KAZN: variants seen among roughly 807,000 people sequenced by gnomAD.
KAZN encodes kazrin.
KAZN carries 40 observed loss-of-function variants against 87.4 expected under a neutral mutation model. That is an observed-to-expected ratio of 0.46 (90% confidence interval 0.36 to 0.60). The LOEUF is 0.60. Among genes scored for constraint, KAZN ranks in the 20% least tolerant of loss-of-function variants. The pLI is 0.00. For missense variants in KAZN, 898 were observed against 1,073.9 expected, an observed-to-expected ratio of 0.84 and a Z score of 2.29; for synonymous variants, 466 against 458.3, an observed-to-expected ratio of 1.02 and a Z score of -0.22.
At chr1:14,638,434 T>G (rs1193094608) in intron 1 of KAZN, among the ~76,000 whole-genome samples, 1 of 152,016 alleles carries the variant, frequency 6.6e-6, no homozygotes, top group East Asian at 1.9e-4. Flanking sequence ...CTGGGTGTGA[T>G]GGCTCATGCC....
chr1:14,279,608 A>G (rs1312655436), intron 2 of KAZN, among the ~76,000 whole-genome samples: 1 of 152,244 alleles, frequency 6.6e-6, no homozygotes, highest in Non-Finnish European at 1.5e-5. Flanking sequence ...AGCCCTGAGT[A>G]TGAACAAATC....
In KAZN at chr1:13,954,979, T is replaced by G. The variant is rs560791286; in HGVS notation, c.91+61223T>G. The stretch of plus-strand genomic sequence containing the variant: ...TCCAATTCGTCTTAGGCTTTTTTTG[T>G]TGCAAATTTGACTCCTCGAAAGTAA... On this transcript the variant is annotated intron_variant, in intron 1 of 16. Coordinates refer to the KAZN transcript ENST00000636203. Among the ~76,000 whole-genome samples, 371 of 152,364 alleles carry G rather than the reference T, an allele frequency of 2.4e-3. 3 individuals are homozygous for G. Among genetic ancestry groups the G allele is most frequent in the African/African-American group, 8.5e-3 (353 of 41,586 alleles).
chr1:14,693,058 C>G (rs1347925009), intron 1 of KAZN, among the ~76,000 whole-genome samples: 1 of 152,156 alleles, frequency 6.6e-6, no homozygotes, highest in African/African-American at 2.4e-5. Context: ...CTGCTTCGAC[C>G]CTAAGCAACT....
chr1:13,984,245 CG>C (rs1557763558), intron 1 of KAZN, among the ~76,000 whole-genome samples: 4 of 152,144 alleles, frequency 2.6e-5, no homozygotes. Flanking sequence ...CTTCTGACCT[CG>C]TGATCTGCCC....
intron 2 of KAZN, among the ~76,000 whole-genome samples, chr1:14,436,734 A>C (rs10927436): frequency 1.5e-4 from 21 of 137,394 alleles, no homozygotes; most frequent in East Asian, 4.3e-4. Flanking sequence ...AAAAAAAAAA[A>C]AAAACCTTAA....
intron 1 of KAZN, among the ~76,000 whole-genome samples, chr1:13,914,480 G>T (rs1004485335): frequency 6.6e-6 from 1 of 152,240 alleles, no homozygotes; most frequent in Non-Finnish European, 1.5e-5. Context: ...GGTGGGTGGG[G>T]TCTGTGCCTG....
intron 1 of KAZN, among the ~76,000 whole-genome samples, chr1:14,176,767 A>AT (rs1646086449): frequency 6.6e-6 from 1 of 152,254 alleles, no homozygotes; most frequent in Non-Finnish European, 1.5e-5. Flanking sequence ...CTATTTATTT[A>AT]TTATTTGTTT....
In KAZN at chr1:14,735,333, T is replaced by C. The variant is rs1439683021; in HGVS notation, c.226+136110T>C. 6.6e-6 allele frequency among the ~76,000 whole-genome samples: 1 copy of C among 152,322 alleles called. No homozygotes were observed. The highest frequency in any genetic ancestry group is 1.9e-4 in the East Asian group (1 of 5,178). On this transcript the variant is annotated intron_variant, in intron 1 of 14. Transcript: ENST00000376030. The surrounding 1 kb of genome is among the most constrained non-coding windows in gnomAD (Gnocchi z 4.3). ...CCTCGGCCTCCCAAAGTGCTGGGAT[T>C]ACAGGCGTGAGCCACCGCGCCCGGC... is the stretch of plus-strand genomic sequence containing the variant.
chr1:14,290,430 C>A (rs1236745546), intron 2 of KAZN, among the ~76,000 whole-genome samples: 2 of 152,140 alleles, frequency 1.3e-5, no homozygotes, highest in Non-Finnish European at 2.9e-5. Context: ...TTAATTTCAT[C>A]TTCCATCACT....
chr1:14,003,043 T>C lies in KAZN; in HGVS notation c.91+109287T>C, dbSNP rs373328372. Reference sequence around the variant, plus strand: ...GCAGCCATAAAAAGGAATGAGATTATGTCCTTTGCAGGGACATGGATGAAG... The same window carrying C: ...GCAGCCATAAAAAGGAATGAGATTACGTCCTTTGCAGGGACATGGATGAAG... On this transcript the variant is annotated intron_variant, in intron 1 of 16. Coordinates refer to the KAZN transcript ENST00000636203. 6.6e-5 allele frequency among the ~76,000 whole-genome samples: 10 copies of C among 152,314 alleles called. No homozygotes were observed. In the East Asian group the frequency reaches 1.5e-3, roughly 24 times the overall value.
chr1:14,609,376 T>A (rs1323124040), intron 1 of KAZN, among the ~76,000 whole-genome samples: 2 of 152,196 alleles, frequency 1.3e-5, no homozygotes, highest in African/African-American at 4.8e-5. Flanking sequence ...ATGGAAGTCC[T>A]GTAGAGAAGG....
At chr1:14,823,232 G>C (rs1396861150) in intron 1 of KAZN, among the ~76,000 whole-genome samples, 1 of 152,126 alleles carries the variant, frequency 6.6e-6, no homozygotes, top group Non-Finnish European at 1.5e-5. Context: ...ACAACGAACA[G>C]CTTCAGTCAG....
chr1:14,903,993 GC>G (rs1189725082), intron 1 of KAZN, among the ~76,000 whole-genome samples: 14 of 152,176 alleles, frequency 9.2e-5, no homozygotes, highest in African/African-American at 3.1e-4. Context: ...TGCTTCCAGT[GC>G]CTGGCACCAG....
chr1:14,386,633 A>C (rs941170985), intron 2 of KAZN, among the ~76,000 whole-genome samples: 3 of 152,128 alleles, frequency 2.0e-5, no homozygotes, highest in African/African-American at 7.2e-5. Flanking sequence ...AGAATGTTGA[A>C]TATTGGCCCC....
intron 2 of KAZN, among the ~76,000 whole-genome samples, chr1:14,392,141 C>T (rs1484478085): frequency 3.3e-5 from 5 of 152,134 alleles, no homozygotes; most frequent in African/African-American, 7.2e-5. Context: ...AGCCTTTAAA[C>T]GCAGTTTAAG....
At chr1:14,566,002 C>T (rs1310305286) in intron 2 of KAZN, among the ~76,000 whole-genome samples, 2 of 152,158 alleles carry the variant, frequency 1.3e-5, no homozygotes, top group African/African-American at 2.4e-5. Context: ...GACCTTCTCC[C>T]ATGAATTACA....
chr1:14,531,262 G>A lies in KAZN; in HGVS notation c.250-67721G>A, dbSNP rs538498135. ...GCAGATCCAAGCAAATCTATCTTGA[G>A]CTGAACTTTTCCCAGTCCGCCAAAG... On this transcript the variant is annotated intron_variant, in intron 2 of 16. Transcript: ENST00000636203. Among the ~76,000 whole-genome samples the A allele has an allele frequency of 3.0e-4, 45 of 152,270 alleles. No homozygotes were observed. In the East Asian group the frequency reaches 8.5e-3, roughly 29 times the overall value.
rs188498462 is a variant in KAZN, at chr1:13,959,857, C to T, written c.91+66101C>T. On this transcript the variant is annotated intron_variant, in intron 1 of 16. Transcript: ENST00000636203. ...CTCTCTTTAGATTTGCTGCCCAACACCCTCCGTGGCTTATAAATAGCACCT... is the reference window on the plus strand; with the variant it reads ...CTCTCTTTAGATTTGCTGCCCAACATCCTCCGTGGCTTATAAATAGCACCT... Among the ~76,000 whole-genome samples the T allele has an allele frequency of 1.6e-4, 25 of 152,300 alleles. No individual in the cohort carries two copies. The East Asian group carries it at 2.9e-3, about 18-fold the overall frequency.
At chr1:14,145,557 A>G (rs1035821299) in intron 1 of KAZN, among the ~76,000 whole-genome samples, 2 of 152,122 alleles carry the variant, frequency 1.3e-5, no homozygotes, top group African/African-American at 4.8e-5. Flanking sequence ...TTTGCTTAGT[A>G]TGTAGCTTAG....
Sources: gnomAD v4.1 joint callset for allele counts (sites outside exome capture counted in the v4.1 genomes callset) on GRCh38, gnomAD v4.1.1 for gene constraint, Gnocchi (gnomAD v3.1) non-coding constraint, MANE v1.5 for transcripts, NCBI Gene and HGNC (gene_info 2026-07-23, HGNC 2026-07-21) for gene names.